The following PDE4D variants were observed in gnomAD, a reference collection of about 807,000 sequenced individuals.
PDE4D encodes 3',5'-cyclic-AMP phosphodiesterase 4D.
In PDE4D, 24 loss-of-function variants were observed where a neutral mutation model predicts 87.4. That is an observed-to-expected ratio of 0.27 (90% CI 0.20 to 0.39). The LOEUF (loss-of-function observed/expected upper bound fraction) is 0.39. Among genes scored for constraint, PDE4D ranks in the 10% least tolerant of loss-of-function variants. PDE4D has a pLI of 1.00. For missense variants in PDE4D, 714 were observed against 1,041.0 expected, an observed-to-expected ratio of 0.69 and a Z score of 4.32; for synonymous variants, 384 against 383.2, an observed-to-expected ratio of 1.00 and a Z score of -0.02.
chr5:59,833,521 T>C (rs1479035078), intron 1 of PDE4D, among the ~76,000 whole-genome samples: 2 of 151,934 alleles, frequency 1.3e-5, no homozygotes, highest in African/African-American at 4.8e-5. Flanking sequence ...ATAAGAAAAC[T>C]CAGAAAGAAC....
intron 1 of PDE4D, among the ~76,000 whole-genome samples, chr5:59,584,923 T>G (rs901843141): frequency 6.6e-6 from 1 of 152,180 alleles, no homozygotes; most frequent in Non-Finnish European, 1.5e-5. Context: ...TCTTTTAATC[T>G]CAAGATTAAA....
chr5:59,667,399 C>T (rs1580276790), intron 1 of PDE4D, among the ~76,000 whole-genome samples: 1 of 152,184 alleles, frequency 6.6e-6, no homozygotes, highest in South Asian at 2.1e-4. Flanking sequence ...GCAGCCTTGA[C>T]CTCCTGGGCT....
At chr5:59,290,779 A>G (rs568193967) in intron 1 of PDE4D, among the ~76,000 whole-genome samples, 3 of 152,262 alleles carry the variant, frequency 2.0e-5, no homozygotes, top group South Asian at 2.1e-4. Context: ...ACATCTGAAC[A>G]CACATTTCTC....
At chr5:58,994,409 C>A (rs768486254) in intron 6 of PDE4D, among the ~76,000 whole-genome samples, 7 of 152,030 alleles carry the variant, frequency 4.6e-5, no homozygotes, top group Non-Finnish European at 7.4e-5. Flanking sequence ...AACAACCCGA[C>A]GAGGCCTTTT....
intron 2 of PDE4D, among the ~76,000 whole-genome samples, chr5:60,119,786 T>C (rs1400236228): frequency 6.6e-6 from 1 of 152,166 alleles, no homozygotes; most frequent in Non-Finnish European, 1.5e-5. Flanking sequence ...AATATTAAAC[T>C]TTTATATTTA....
At chr5:60,515,652 T>C (rs1583971632) in intron 1 of PDE4D, among the ~76,000 whole-genome samples, 1 of 137,380 alleles carries the variant, frequency 7.3e-6, no homozygotes, top group East Asian at 2.0e-4. Context: ...TGCCTCAAAA[T>C]AAAACTGAGA....
rs2153633527 is a variant in PDE4D, at chr5:59,435,212, A to C, written c.456-219244T>G. Among the ~76,000 whole-genome samples, 3 of 152,328 alleles carry C rather than the reference A, an allele frequency of 2.0e-5. No homozygotes were observed. The South Asian group carries it at 6.2e-4, about 32-fold the overall frequency. ...TCACTTACCTACCAAGATTATCTTA[A>C]AATGGAAATCTTAGCAAACTCATGC... is the stretch of plus-strand genomic sequence containing the variant. On this transcript the variant is annotated intron_variant, in intron 1 of 14. Transcript: ENST00000340635.
intron 3 of PDE4D, among the ~76,000 whole-genome samples, chr5:59,977,863 C>T (rs1269745681): frequency 1.3e-5 from 2 of 152,106 alleles, no homozygotes; most frequent in Non-Finnish European, 2.9e-5. Context: ...ATTTAATATT[C>T]CAATAATTCT....
intron 1 of PDE4D, among the ~76,000 whole-genome samples, chr5:59,476,663 C>T (rs1047365969): frequency 1.3e-5 from 2 of 151,988 alleles, no homozygotes; most frequent in African/African-American, 4.8e-5. Flanking sequence ...TAAAGTAATG[C>T]CCATCTGACA....
At chr5:60,077,493 C>T (rs972075613) in intron 2 of PDE4D, among the ~76,000 whole-genome samples, 7 of 152,158 alleles carry the variant, frequency 4.6e-5, no homozygotes, top group Non-Finnish European at 7.4e-5. Flanking sequence ...CAGGCCCCCA[C>T]GAGCTACCTG....
intron 3 of PDE4D, among the ~76,000 whole-genome samples, chr5:59,985,145 G>T (rs111438566): frequency 0.54 from 55,502 of 102,516 alleles, 18,294 homozygotes; most frequent in East Asian, 0.72. Flanking sequence ...TTTGTTTTTT[G>T]TTTTTTATTT....
chr5:60,444,700 C>T (rs558885258), intron 1 of PDE4D, among the ~76,000 whole-genome samples: 1 of 151,536 alleles, frequency 6.6e-6, no homozygotes, highest in Non-Finnish European at 1.5e-5. Flanking sequence ...ACTGGATAGA[C>T]AATTGCAAGC....
At chr5:60,283,429 T>TA (rs1466651585) in intron 1 of PDE4D, among the ~76,000 whole-genome samples, 1 of 152,228 alleles carries the variant, frequency 6.6e-6, no homozygotes, top group Admixed American at 6.5e-5. Context: ...TGTCTGCTCC[T>TA]AATCATTTGA....
At chr5:59,454,300 G>A (rs1027014080) in intron 1 of PDE4D, among the ~76,000 whole-genome samples, 14 of 152,186 alleles carry the variant, frequency 9.2e-5, no homozygotes, top group African/African-American at 2.4e-4. Flanking sequence ...CCCACATGTC[G>A]TGGGAGAAAC....
chr5:58,975,622 T>A lies in PDE4D; in HGVS notation c.2013+35A>T, dbSNP rs1177548702. 13 of 1,453,032 alleles carry A rather than the reference T, an allele frequency of 8.9e-6. No homozygotes were observed. Among genetic ancestry groups the A allele is most frequent in the Non-Finnish European group, 1.2e-5 (13 of 1,088,124 alleles). The allele number at this position is 1,453,032 out of a possible 1,614,324, so 90.0% of individuals were successfully genotyped here. ...TAACCAAATGCTAAAGCGGTAGCTC[T>A]GTTCTCTCTGAAAGCTATACACTTC... On this transcript the variant is annotated intron_variant, in intron 14 of 14. Transcript: ENST00000340635. The surrounding 1 kb of genome is among the most constrained non-coding windows in gnomAD (Gnocchi z 4.2).
chr5:59,365,524 A>G (rs1490770370), intron 1 of PDE4D, among the ~76,000 whole-genome samples: 1 of 152,176 alleles, frequency 6.6e-6, no homozygotes, highest in African/African-American at 2.4e-5. Flanking sequence ...CAACATTAAA[A>G]ACATATCAAA....
chr5:60,363,902 A>T (rs1760296185), intron 1 of PDE4D, among the ~76,000 whole-genome samples: 1 of 152,256 alleles, frequency 6.6e-6, no homozygotes, highest in South Asian at 2.1e-4. Context: ...GAGCTTCAGT[A>T]GTTCAAGATC....
At chr5:59,406,545 C>G (rs1372758609) in intron 1 of PDE4D, among the ~76,000 whole-genome samples, 1 of 151,978 alleles carries the variant, frequency 6.6e-6, no homozygotes, top group Admixed American at 6.6e-5. Context: ...CACGTGCCAC[C>G]ACGCTGGCTA....
intron 5 of PDE4D, among the ~76,000 whole-genome samples, chr5:59,123,143 G>A (rs1013890389): frequency 6.6e-6 from 1 of 151,782 alleles, no homozygotes; most frequent in Admixed American, 6.6e-5. Context: ...TGGTTGAACT[G>A]ATCATATTTA....
Sources: gnomAD v4.1 joint callset for allele counts (sites outside exome capture counted in the v4.1 genomes callset) on GRCh38, gnomAD v4.1.1 for gene constraint, Gnocchi (gnomAD v3.1) non-coding constraint, MANE v1.5 for transcripts, NCBI Gene and HGNC (gene_info 2026-07-23, HGNC 2026-07-21) for gene names.